Variants in MACROD2 observed in about 807,000 individuals in gnomAD.
The protein encoded by MACROD2 is mono-ADP ribosylhydrolase 2.
Under a neutral mutation model 70.4 loss-of-function variants are expected in MACROD2, and 36 were observed. That is an observed-to-expected ratio of 0.51 (90% CI 0.39 to 0.68). The LOEUF (loss-of-function observed/expected upper bound fraction) is 0.68, where lower values mean the gene tolerates loss of function less well. Among genes scored for constraint, MACROD2 ranks in the 30% least tolerant of loss-of-function variants. The pLI is 0.00. For synonymous variants in MACROD2, 172 were observed against 178.8 expected, an observed-to-expected ratio of 0.96 and a Z score of 0.30; for missense variants, 496 against 538.4, an observed-to-expected ratio of 0.92 and a Z score of 0.78.
intron 8 of MACROD2, among the ~76,000 whole-genome samples, chr20:15,823,626 CA>C (rs1448833077): frequency 6.6e-6 from 1 of 152,196 alleles, no homozygotes; most frequent in African/African-American, 2.4e-5. Flanking sequence ...AACTATTTAT[CA>C]ACATGCTTGG....
chr20:14,916,932 G>C (rs933606250), intron 5 of MACROD2, among the ~76,000 whole-genome samples: 2 of 151,994 alleles, frequency 1.3e-5, no homozygotes, highest in Non-Finnish European at 2.9e-5. Flanking sequence ...TTATTTCCAA[G>C]GAAGAGAGAT....
At chr20:15,475,263 A>G (rs1441140543) in intron 7 of MACROD2, among the ~76,000 whole-genome samples, 14 of 152,158 alleles carry the variant, frequency 9.2e-5, no homozygotes, top group Admixed American at 9.2e-4. Context: ...ATACCAAGGT[A>G]GGACTGTATA....
intron 5 of MACROD2, among the ~76,000 whole-genome samples, chr20:14,938,272 A>T (rs2074358817): frequency 6.6e-6 from 1 of 152,098 alleles, no homozygotes; most frequent in African/African-American, 2.4e-5. Flanking sequence ...CCTCCATATT[A>T]CTTTCCAGAG....
chr20:15,844,741 C>T (rs946453395), intron 8 of MACROD2, among the ~76,000 whole-genome samples: 1 of 152,048 alleles, frequency 6.6e-6, no homozygotes, highest in Non-Finnish European at 1.5e-5. Context: ...TGTATACATT[C>T]AACTTAATAT....
At chr20:14,431,643 A>G (rs1384775574) in intron 3 of MACROD2, among the ~76,000 whole-genome samples, 3 of 152,146 alleles carry the variant, frequency 2.0e-5, no homozygotes, top group Non-Finnish European at 4.4e-5. Context: ...GATGTTTATT[A>G]AGAGTTCTAC....
intron 3 of MACROD2, chr20:14,337,698 C>G: frequency 2.5e-6 from 1 of 395,540 alleles, no homozygotes; most frequent in Non-Finnish European, 4.5e-6. Flanking sequence ...CAGGACTTAG[C>G]CAAGATCTTG....
chr20:15,233,969 TTATATATATTTATTTA>T (rs1259000831), intron 6 of MACROD2, among the ~76,000 whole-genome samples: 13 of 56,098 alleles, frequency 2.3e-4, no homozygotes, highest in African/African-American at 9.4e-4. Context: ...AAATTTATTT[TTATATATATTTATTTA>T]TATATATATA....
chr20:15,123,029 A>G (rs1459688413), intron 5 of MACROD2, among the ~76,000 whole-genome samples: 1 of 152,218 alleles, frequency 6.6e-6, no homozygotes, highest in East Asian at 1.9e-4. Context: ...AGCCCAAGCC[A>G]TATGGTTCTG....
intron 5 of MACROD2, among the ~76,000 whole-genome samples, chr20:14,897,326 A>G (rs2073842236): frequency 6.6e-6 from 1 of 152,100 alleles, no homozygotes; most frequent in Non-Finnish European, 1.5e-5. Flanking sequence ...TTCTGAGATG[A>G]ACTTCATCAC....
chr20:15,636,621 C>A (rs2049373740), intron 8 of MACROD2, among the ~76,000 whole-genome samples: 1 of 152,086 alleles, frequency 6.6e-6, no homozygotes, highest in South Asian at 2.1e-4. Flanking sequence ...GCATCATTAG[C>A]TGGGTTTTTC....
intron 3 of MACROD2, among the ~76,000 whole-genome samples, chr20:14,300,144 G>C (rs2082462267): frequency 6.6e-6 from 1 of 152,164 alleles, no homozygotes; most frequent in South Asian, 2.1e-4. Flanking sequence ...TTATTACATG[G>C]AAGAGATGGA....
At chr20:14,395,430 T>A (rs2083571049) in intron 3 of MACROD2, among the ~76,000 whole-genome samples, 1 of 152,142 alleles carries the variant, frequency 6.6e-6, no homozygotes, top group South Asian at 2.1e-4. Context: ...ATGTAATCTG[T>A]TAAAATGTCA....
chr20:15,145,573 A>C (rs1345626401), intron 5 of MACROD2, among the ~76,000 whole-genome samples: 1 of 152,122 alleles, frequency 6.6e-6, no homozygotes, highest in African/African-American at 2.4e-5. Flanking sequence ...ACTGTTCTTA[A>C]TGACAATTAA....
At chr20:15,256,626 TAAAC>T (rs2077201902) in intron 6 of MACROD2, among the ~76,000 whole-genome samples, 1 of 152,074 alleles carries the variant, frequency 6.6e-6, no homozygotes, top group Non-Finnish European at 1.5e-5. Context: ...TATAGTAATT[TAAAC>T]CAATTGAAAA....
At chr20:15,366,181 T>C (rs1166558555) in intron 6 of MACROD2, among the ~76,000 whole-genome samples, 1 of 152,224 alleles carries the variant, frequency 6.6e-6, no homozygotes, top group Non-Finnish European at 1.5e-5. Flanking sequence ...TTGGGCCAAC[T>C]GTGTGTATCC....
At chr20:15,945,222 A>G (rs1434463573) in intron 12 of MACROD2, among the ~76,000 whole-genome samples, 2 of 152,190 alleles carry the variant, frequency 1.3e-5, no homozygotes, top group Admixed American at 6.5e-5. Context: ...TTTTTTAGTC[A>G]TTATTAAATA....
chr20:16,014,413 A>G (rs577810528), intron 15 of MACROD2, among the ~76,000 whole-genome samples: 1 of 152,374 alleles, frequency 6.6e-6, no homozygotes, highest in East Asian at 1.9e-4. Flanking sequence ...CTAAGGAAGA[A>G]GTTAGAAGAA....
Position 14,515,465 on chromosome 20 carries a change from G to GTGCA in MACROD2, c.301+21957_301+21958insTGCA, listed in dbSNP as rs1555798348. 4.7e-5 allele frequency among the ~76,000 whole-genome samples: 6 copies of GTGCA among 127,066 alleles called. No homozygotes were observed. In the East Asian group the frequency reaches 7.6e-4, roughly 16 times the overall value. 83.4% of individuals were successfully genotyped at this position (127,066 alleles called of 152,430 possible). ...AAGAATATGTGAGATACACACACAC[G>GTGCA]CACACACACACACACACACACACAC... On this transcript the variant is annotated intron_variant, in intron 4 of 17. Coordinates refer to ENST00000684519, the MANE Select transcript of MACROD2 (RefSeq NM_001351661.2).
At chr20:14,556,514 A>G (rs2208126) in intron 4 of MACROD2, among the ~76,000 whole-genome samples, 81,611 of 151,968 alleles carry the variant, frequency 0.54, 23,416 homozygotes, top group East Asian at 0.66. Flanking sequence ...GGACCAGGTG[A>G]AGGGTGGCTT....
Sources: allele counts gnomAD v4.1 joint callset (sites outside exome capture counted in the v4.1 genomes callset), GRCh38; gene constraint gnomAD v4.1.1; transcripts MANE v1.5; gene names NCBI Gene and HGNC (gene_info 2026-07-23, HGNC 2026-07-21).